The following POMT2 variants were observed in gnomAD, a reference collection of about 807,000 sequenced individuals.
POMT2 encodes the protein protein O-mannosyl-transferase 2.
Under a neutral mutation model 100.0 loss-of-function variants are expected in POMT2, and 75 were observed. The observed-to-expected ratio is 0.75, with a 90% CI of 0.62 to 0.91. POMT2 has a LOEUF of 0.91. POMT2 is among the 40% of genes least tolerant of loss of function. POMT2 has a pLI of 0.00. For missense variants in POMT2, 940 were observed against 955.1 expected (o/e 0.98, Z 0.21); for synonymous variants, 378 against 374.1 (o/e 1.01, Z -0.12).
Position 77,320,442 on chromosome 14 carries a change from C to G in POMT2, c.240G>C (p.Pro80=). The part of the protein sequence containing the change: ...ATRFHRLDEP[P]HICWDETHFG... The stretch of plus-strand genomic sequence containing the variant: ...TCCCTCCCATCACTCACCAGATGTG[C>G]GGCGGCTCGTCCAAGCGGTGGAAGC... Residue 80 remains proline, a synonymous_variant, in exon 1 of 21, where the codon CCG becomes CCC. Coordinates refer to ENST00000261534, the MANE Select transcript of POMT2 (RefSeq NM_013382.7). 1.3e-6 allele frequency: 2 copies of G among 1,546,448 alleles called. No individual in the cohort carries two copies. Among genetic ancestry groups the G allele is most frequent in the Non-Finnish European group, 1.7e-6 (2 of 1,146,882 alleles).
intron 8 of POMT2, among the ~76,000 whole-genome samples, chr14:77,298,372 T>C (rs1233384395): frequency 1.3e-5 from 2 of 152,158 alleles, no homozygotes; most frequent in African/African-American, 4.8e-5. Flanking sequence ...CAGAAAGCGG[T>C]GCGGGAAACC....
chr14:77,296,120 C>T (rs1333459511), intron 9 of POMT2, 44 bp downstream of exon 9: 18 of 1,427,030 alleles, frequency 1.3e-5, no homozygotes, highest in Non-Finnish European at 1.6e-5. Flanking sequence ...ACTGTCATGG[C>T]GAACAGCATT....
intron 1 of POMT2, among the ~76,000 whole-genome samples, chr14:77,319,069 G>A (rs1478182838): frequency 6.6e-6 from 1 of 152,130 alleles, no homozygotes; most frequent in Non-Finnish European, 1.5e-5. Context: ...TTTTTACAAG[G>A]GTAGTGGGCT....
At chr14:77,296,294 A>T in intron 8 of POMT2, 21 bp from the exon 9 acceptor site, 1 of 1,539,598 alleles carries the variant, frequency 6.5e-7, no homozygotes, top group Non-Finnish European at 8.9e-7. Flanking sequence ...GGGAGACAGC[A>T]GAGGGGTGAG....
At chr14:77,312,786 G>T (rs1891486380) in intron 1 of POMT2, among the ~76,000 whole-genome samples, 1 of 152,198 alleles carries the variant, frequency 6.6e-6, no homozygotes, top group Admixed American at 6.5e-5. Context: ...GACGCTGTTG[G>T]GCTGCTGGTC....
intron 2 of POMT2, chr14:77,308,726 G>C: frequency 2.2e-6 from 1 of 451,408 alleles, no homozygotes; most frequent in Non-Finnish European, 4.4e-6. Flanking sequence ...GTCATACACT[G>C]TTGGTGGGAG....
At chr14:77,283,307 A>C (rs1890295734) in intron 15 of POMT2, among the ~76,000 whole-genome samples, 1 of 152,258 alleles carries the variant, frequency 6.6e-6, no homozygotes, top group African/African-American at 2.4e-5. Context: ...AACCAAGAGC[A>C]CTATGATTTT....
At chr14:77,309,617 C>T (rs1891365600) in intron 2 of POMT2, among the ~76,000 whole-genome samples, 1 of 152,170 alleles carries the variant, frequency 6.6e-6, no homozygotes, top group Non-Finnish European at 1.5e-5. Context: ...AAGCCTCACA[C>T]TTCTCCCTTC....
chr14:77,289,495 G>A (rs962039130), intron 10 of POMT2, among the ~76,000 whole-genome samples: 1 of 152,184 alleles, frequency 6.6e-6, no homozygotes, highest in Non-Finnish European at 1.5e-5. Flanking sequence ...GGCTATGAAC[G>A]AGTGTGGCCA....
At chr14:77,279,966 C>G (rs375630657) in intron 17 of POMT2, 38 bp from the exon 18 acceptor site, 2 of 1,614,124 alleles carry the variant, frequency 1.2e-6, no homozygotes, top group East Asian at 2.2e-5. Flanking sequence ...AGAACGCAGC[C>G]GCTCTCCACG....
At chr14:77,311,558 T>C (rs1891435825) in intron 2 of POMT2, among the ~76,000 whole-genome samples, 1 of 152,244 alleles carries the variant, frequency 6.6e-6, no homozygotes, top group Non-Finnish European at 1.5e-5. Context: ...ATTTGTCAGT[T>C]CTAGATATTT....
At chr14:77,296,530 G>A (rs1386284216) in intron 8 of POMT2, 1 of 502,364 alleles carries the variant, frequency 2.0e-6, no homozygotes. Context: ...AAAGCACTAC[G>A]TGTAACAGCA....
At chr14:77,307,729 C>G (rs1566659608) in intron 2 of POMT2, among the ~76,000 whole-genome samples, 1 of 152,064 alleles carries the variant, frequency 6.6e-6, no homozygotes, top group Non-Finnish European at 1.5e-5. Flanking sequence ...AACTTCCTCA[C>G]AGGGGGCATG....
chr14:77,280,263 C>T, intron 16 of POMT2, 129 bp downstream of exon 16: 3 of 1,559,202 alleles, frequency 1.9e-6, no homozygotes, highest in Admixed American at 1.9e-5. Context: ...GATACTCCCA[C>T]CTCTGGCCAA....
In POMT2 at chr14:77,291,288, G is replaced by C. The variant is rs368825506; in HGVS notation, c.1183+26C>G. The C allele has an allele frequency of 7.8e-5, 125 of 1,607,392 alleles. 1 individual carries two copies. Among genetic ancestry groups the C allele is most frequent in the East Asian group, 2.2e-5 (1 of 44,590 alleles). On this transcript the variant is annotated intron_variant, in intron 10 of 20. Coordinates refer to ENST00000261534, the MANE Select transcript of POMT2 (RefSeq NM_013382.7). Reference sequence around the variant, plus strand: ...GGGCTCAGAGGGAGTAACAGCACAAGAAGCATCAGTCTCTGACCACATTAC... The same window carrying C: ...GGGCTCAGAGGGAGTAACAGCACAACAAGCATCAGTCTCTGACCACATTAC...
At chr14:77,319,172 A>G (rs1402266748) in intron 1 of POMT2, among the ~76,000 whole-genome samples, 2 of 152,232 alleles carry the variant, frequency 1.3e-5, no homozygotes, top group African/African-American at 4.8e-5. Flanking sequence ...CTTAGACTGC[A>G]GCCCAGATGT....
rs1398203283 is a variant in POMT2, at chr14:77,302,938, CCGT to C, written c.550_552del (p.Thr184del). On this transcript the variant is annotated inframe_deletion and splice_region_variant, in exon 5 of 21. Transcript: ENST00000261534. The stretch of plus-strand genomic sequence containing the variant: ...ATGTACTGGGACAGAGTGAGGCATC[CCGT>C]GTCTGAAAAACATGAGCTCGCTGGT... The C allele has an allele frequency of 6.2e-7, 1 of 1,611,390 alleles. No homozygotes were observed. Among genetic ancestry groups the C allele is most frequent in the African/African-American group, 1.3e-5 (1 of 74,964 alleles).
At chr14:77,285,419 C>G (rs1470108109) in intron 13 of POMT2, 62 bp downstream of exon 13, 2 of 1,603,220 alleles carry the variant, frequency 1.2e-6, no homozygotes, top group Non-Finnish European at 1.7e-6. Flanking sequence ...CTGGCATACT[C>G]CTTGTAGAGT....
In POMT2 at chr14:77,286,744, T is replaced by C. The variant is rs755038020; in HGVS notation, c.1332A>G (p.Ile444Met). The C allele has an allele frequency of 1.2e-6, 2 of 1,614,140 alleles. No individual in the cohort carries two copies. The highest frequency in any genetic ancestry group is 8.5e-7 in the Non-Finnish European group (1 of 1,180,004). The change falls in exon 12 of 21, where the codon ATA becomes ATG. Residue 444 changes from isoleucine to methionine, a missense_variant and splice_region_variant. Coordinates refer to ENST00000261534, the MANE Select transcript of POMT2 (RefSeq NM_013382.7). Reference protein sequence around the residue: ...RKHYQVTGYGINGTGDSNDFW... With the variant: ...RKHYQVTGYGMNGTGDSNDFW... ...ACTCACATCCCCGTTGCTTACTTAC[T>C]ATGCCATAGCCGGTGACCTGATAGT...
Sources: gnomAD v4.1 joint callset for allele counts (sites outside exome capture counted in the v4.1 genomes callset) on GRCh38, gnomAD v4.1.1 for gene constraint, MANE v1.5 for transcripts, NCBI Gene and HGNC (gene_info 2026-07-23, HGNC 2026-07-21) for gene names.